The following MACROD1 variants were observed in gnomAD, a reference collection of about 807,000 sequenced individuals.
MACROD1 encodes ADP-ribose glycohydrolase MACROD1.
Under a neutral mutation model 41.4 loss-of-function variants are expected in MACROD1, and 31 were observed. The ratio of observed to expected loss-of-function variants is 0.75; its 90% CI spans 0.56 to 1.01. The LOEUF is 1.01. Ranked by LOEUF, MACROD1 falls within the 50% of genes least tolerant of loss-of-function variation. The pLI is 0.00. For synonymous variants in MACROD1, 252 were observed against 203.4 expected (o/e 1.24, Z -2.03); for missense variants, 473 against 460.0 (o/e 1.03, Z -0.26).
At chr11:64,113,700 TGGAC>T (rs1944907018) in intron 3 of MACROD1, among the ~76,000 whole-genome samples, 2 of 147,198 alleles carry the variant, frequency 1.4e-5, no homozygotes, top group East Asian at 2.1e-4. Flanking sequence ...GGTGGATGGA[TGGAC>T]GGACAGGTGG....
At chr11:64,112,074 C>A (rs1353859840) in intron 3 of MACROD1, among the ~76,000 whole-genome samples, 1 of 152,214 alleles carries the variant, frequency 6.6e-6, no homozygotes, top group African/African-American at 2.4e-5. Context: ...GGTCTCTGTG[C>A]CTCTGTTCTC....
At chr11:64,027,984 G>A (rs1943243002) in intron 3 of MACROD1, among the ~76,000 whole-genome samples, 1 of 152,254 alleles carries the variant, frequency 6.6e-6, no homozygotes, top group South Asian at 2.1e-4. Context: ...TTGCTGCGCA[G>A]GGAATCTAAG....
At chr11:64,165,642 G>T in intron 1 of MACROD1, 55 bp downstream of exon 1, 1 of 1,325,112 alleles carries the variant, frequency 7.5e-7, no homozygotes, top group Non-Finnish European at 9.8e-7. Flanking sequence ...CGCCCAGCCG[G>T]GAAGCTCCAC....
chr11:64,008,891 C>T (rs931070744), intron 4 of MACROD1: 1 of 152,208 alleles, frequency 6.6e-6, no homozygotes, highest in Non-Finnish European at 1.5e-5. Context: ...GGAGCTGACC[C>T]TTTGGGGCGC....
At chr11:64,046,706 T>C (rs2134401007) in intron 3 of MACROD1, among the ~76,000 whole-genome samples, 1 of 152,146 alleles carries the variant, frequency 6.6e-6, no homozygotes, top group East Asian at 1.9e-4. Context: ...ACCATGTTGG[T>C]CAGGCTGGCC....
At chr11:64,073,678 G>A (rs1305314538) in intron 3 of MACROD1, among the ~76,000 whole-genome samples, 1 of 152,222 alleles carries the variant, frequency 6.6e-6, no homozygotes, top group Non-Finnish European at 1.5e-5. Context: ...TGGCACATCA[G>A]ATGGCATGCG....
intron 3 of MACROD1, among the ~76,000 whole-genome samples, chr11:64,071,176 C>A (rs1161024638): frequency 6.6e-6 from 1 of 152,074 alleles, no homozygotes; most frequent in Non-Finnish European, 1.5e-5. Flanking sequence ...TCCTCTAAGG[C>A]CCCTGGTTTC....
chr11:64,043,339 A>AC (rs1943524081), intron 3 of MACROD1, among the ~76,000 whole-genome samples: 4 of 151,974 alleles, frequency 2.6e-5, no homozygotes. Context: ...CGCCCTCAGG[A>AC]CCCCACCCTC....
At chr11:64,072,837 G>A (rs1000832765) in intron 3 of MACROD1, among the ~76,000 whole-genome samples, 3 of 152,220 alleles carry the variant, frequency 2.0e-5, no homozygotes, top group East Asian at 1.9e-4. Context: ...CAACCAGAGC[G>A]TCTGAGGGTC....
intron 1 of MACROD1, among the ~76,000 whole-genome samples, chr11:64,164,870 G>A (rs973693209): frequency 2.0e-5 from 3 of 152,158 alleles, no homozygotes; most frequent in South Asian, 2.1e-4. Flanking sequence ...CTGGGTGCCC[G>A]GCAGGGCTAT....
At chr11:64,105,659 G>A (rs559596228) in intron 3 of MACROD1, among the ~76,000 whole-genome samples, 1 of 152,312 alleles carries the variant, frequency 6.6e-6, no homozygotes, top group Admixed American at 6.5e-5. Flanking sequence ...GACCCCACAG[G>A]CTTGAGGGGC....
chr11:64,035,392 G>C (rs1211771430), intron 3 of MACROD1, among the ~76,000 whole-genome samples: 1 of 152,094 alleles, frequency 6.6e-6, no homozygotes, highest in African/African-American at 2.4e-5. Context: ...CGGGTGGACG[G>C]ATGAATGAAT....
chr11:64,101,134 C>T (rs1272406317), intron 3 of MACROD1, among the ~76,000 whole-genome samples: 2 of 152,042 alleles, frequency 1.3e-5, no homozygotes, highest in East Asian at 3.9e-4. Context: ...GAGGGTGGCC[C>T]ATTGCAGGGA....
intron 3 of MACROD1, among the ~76,000 whole-genome samples, chr11:64,035,104 G>A (rs181532790): frequency 6.6e-6 from 1 of 152,150 alleles, no homozygotes; most frequent in Non-Finnish European, 1.5e-5. Context: ...TTGGAGCTAG[G>A]TAGTAACGGT....
chr11:64,022,069 C>T (rs1225912243), intron 3 of MACROD1, among the ~76,000 whole-genome samples: 1 of 151,572 alleles, frequency 6.6e-6, no homozygotes, highest in Non-Finnish European at 1.5e-5. Context: ...GGCCTTGAGA[C>T]CTCAGGGGCT....
intron 3 of MACROD1, among the ~76,000 whole-genome samples, chr11:64,136,415 C>G (rs1945333547): frequency 6.6e-6 from 1 of 152,192 alleles, no homozygotes; most frequent in South Asian, 2.1e-4. Context: ...CCTCTCAGGC[C>G]ATGACTGTGA....
At chr11:64,137,930 G>A (rs1303677342) in intron 3 of MACROD1, among the ~76,000 whole-genome samples, 1 of 152,198 alleles carries the variant, frequency 6.6e-6, no homozygotes, top group East Asian at 1.9e-4. Context: ...TTTTTCAGTG[G>A]AAATAAGTAA....
chr11:64,052,111 C>T (rs920592440), intron 3 of MACROD1, among the ~76,000 whole-genome samples: 1 of 151,882 alleles, frequency 6.6e-6, no homozygotes, highest in African/African-American at 2.4e-5. Context: ...AAGCCCTGGC[C>T]CTCCTCCCTG....
intron 4 of MACROD1, chr11:64,001,630 C>T (rs1342421338): frequency 5.7e-6 from 4 of 701,072 alleles, no homozygotes; most frequent in African/African-American, 5.2e-5. Context: ...CCCAGAGCGT[C>T]CCAGGGATGG....
Sources: gnomAD v4.1 joint callset for allele counts (sites outside exome capture counted in the v4.1 genomes callset) on GRCh38, gnomAD v4.1.1 for gene constraint, MANE v1.5 for transcripts, NCBI Gene and HGNC (gene_info 2026-07-23, HGNC 2026-07-21) for gene names.